The following NCOA1 variants were observed in gnomAD, a reference collection of about 807,000 sequenced individuals.
The protein encoded by NCOA1 is nuclear receptor coactivator 1.
NCOA1 carries 35 observed loss-of-function variants against 150.9 expected under a neutral mutation model. That is an observed-to-expected ratio of 0.23 (90% CI 0.18 to 0.31). NCOA1 has a LOEUF of 0.31. Among genes scored for constraint, NCOA1 ranks in the 10% least tolerant of loss-of-function variants. NCOA1 has a pLI of 1.00. For missense variants in NCOA1, 1,491 were observed against 1,749.3 expected (o/e 0.85, Z 2.63); for synonymous variants, 590 against 630.0 (o/e 0.94, Z 0.95).
At chr2:24,728,663 A>G (rs996666047) in intron 16 of NCOA1, among the ~76,000 whole-genome samples, 187 bp downstream of exon 16, 2 of 152,192 alleles carry the variant, frequency 1.3e-5, no homozygotes, top group Non-Finnish European at 2.9e-5. Context: ...AGAATTAGAA[A>G]TAAGTCTTAG....
intron 14 of NCOA1, among the ~76,000 whole-genome samples, chr2:24,723,469 C>A (rs553413530): frequency 6.6e-6 from 1 of 152,264 alleles, no homozygotes; most frequent in East Asian, 1.9e-4. Context: ...ATTGCTGGGT[C>A]AAAAGATAGA....
intron 10 of NCOA1, among the ~76,000 whole-genome samples, chr2:24,696,389 AT>A (rs1411263449): frequency 6.6e-6 from 1 of 152,212 alleles, no homozygotes; most frequent in Non-Finnish European, 1.5e-5. Context: ...AAGAGGAAAC[AT>A]TAGTGGTGAA....
rs1008267103 is a variant in NCOA1, at chr2:24,678,713, G to A, written c.355-4238G>A. Among the ~76,000 whole-genome samples, 10 of 152,124 alleles carry A rather than the reference G, an allele frequency of 6.6e-5. No homozygotes were observed. The East Asian group carries it at 1.7e-3, about 26-fold the overall frequency. ...TGAGAAGTGTCTGTTCATGCCATTT[G>A]CCTGCTTTTTAATGGGGTTGTTTGG... On this transcript the variant is annotated intron_variant, in intron 7 of 22. Coordinates refer to ENST00000348332, the MANE Select transcript of NCOA1 (RefSeq NM_003743.5).
At chr2:24,527,253 G>C (rs1397744782) in intron 1 of NCOA1, among the ~76,000 whole-genome samples, 1 of 152,048 alleles carries the variant, frequency 6.6e-6, no homozygotes, top group African/African-American at 2.4e-5. Flanking sequence ...TTGTACATTA[G>C]ATCTTTAGAC....
chr2:24,500,442 G>A (rs1231218122), intron 1 of NCOA1, among the ~76,000 whole-genome samples: 2 of 152,284 alleles, frequency 1.3e-5, no homozygotes, highest in Non-Finnish European at 2.9e-5. Flanking sequence ...CCGCAAAATG[G>A]AAGAAATACT....
intron 1 of NCOA1, among the ~76,000 whole-genome samples, chr2:24,558,109 T>C (rs538787124): frequency 4.5e-4 from 68 of 152,086 alleles, no homozygotes; most frequent in African/African-American, 1.6e-3. Context: ...CATTCTGATA[T>C]AATTCCACAG....
intron 14 of NCOA1, among the ~76,000 whole-genome samples, chr2:24,725,334 G>T (rs1674562279): frequency 6.6e-6 from 1 of 152,166 alleles, no homozygotes; most frequent in Admixed American, 6.5e-5. Flanking sequence ...AATTCTGGAA[G>T]CCTAAAGTAG....
At chr2:24,765,121 G>T (rs911509139) in intron 22 of NCOA1, among the ~76,000 whole-genome samples, 1 of 146,590 alleles carries the variant, frequency 6.8e-6, no homozygotes, top group Non-Finnish European at 1.5e-5. Context: ...AGGTTGCAGC[G>T]AGCCGAGATC....
chr2:24,625,352 G>A (rs1301402255), intron 3 of NCOA1, among the ~76,000 whole-genome samples: 13 of 124,466 alleles, frequency 1.0e-4, no homozygotes, highest in African/African-American at 3.8e-4. Context: ...GTGACACAGC[G>A]AGACTCTGCC....
intron 3 of NCOA1, among the ~76,000 whole-genome samples, chr2:24,587,143 C>G (rs1278574780): frequency 2.0e-5 from 3 of 151,822 alleles, no homozygotes; most frequent in Non-Finnish European, 4.4e-5. Flanking sequence ...TCGTACTGCT[C>G]CAAACCACAC....
Position 24,540,220 on chromosome 2 carries a change from A to G in NCOA1, c.-395-24075A>G, listed in dbSNP as rs899125016. ...AAGAATCAACAAAAAAGAACTTAGG[A>G]TCAAATAAAAAGTTACTAGAACAGA... On this transcript the variant is annotated intron_variant, in intron 1 of 22. Coordinates refer to ENST00000348332, the MANE Select transcript of NCOA1 (RefSeq NM_003743.5). Among the ~76,000 whole-genome samples, 10 of 152,336 alleles carry G rather than the reference A, an allele frequency of 6.6e-5. No homozygotes were observed. The South Asian group carries it at 8.3e-4, about 13-fold the overall frequency.
chr2:24,612,999 C>G (rs1019701280), intron 3 of NCOA1, among the ~76,000 whole-genome samples: 2 of 152,156 alleles, frequency 1.3e-5, no homozygotes, highest in Non-Finnish European at 2.9e-5. Flanking sequence ...TCCTTCTCAT[C>G]TGGAGACACT....
At chr2:24,666,518 T>A (rs965372783) in intron 6 of NCOA1, among the ~76,000 whole-genome samples, 1 of 152,174 alleles carries the variant, frequency 6.6e-6, no homozygotes, top group African/African-American at 2.4e-5. Context: ...ACACAAGTTG[T>A]GGAGTTGGAC....
Position 24,691,642 on chromosome 2 carries a change from A to T in NCOA1, c.694A>T (p.Ile232Phe), listed in dbSNP as rs767185890. 1.2e-6 allele frequency: 2 copies of T among 1,613,992 alleles called. No homozygotes were observed. Among genetic ancestry groups the T allele is most frequent in the African/African-American group, 1.3e-5 (1 of 75,050 alleles). Reference sequence around the variant, plus strand: ...TTTCACTGTGTCACAGCCAAAATCAATTCAAGAGGATGGAGAAGGTAAAGC... The same window carrying T: ...TTTCACTGTGTCACAGCCAAAATCATTTCAAGAGGATGGAGAAGGTAAAGC... ...QCFTVSQPKS[I>F]QEDGEDFQSC... Residue 232 changes from isoleucine (I) to phenylalanine (F), a missense_variant, in exon 9 of 23, where the codon ATT (isoleucine) becomes TTT (phenylalanine). Physicochemically the swap from Ile to Phe is conservative, Grantham distance 21. Coordinates refer to ENST00000348332, the MANE Select transcript of NCOA1 (RefSeq NM_003743.5).
intron 1 of NCOA1, among the ~76,000 whole-genome samples, chr2:24,499,818 A>G (rs1322237562): frequency 2.6e-5 from 4 of 152,212 alleles, no homozygotes; most frequent in Non-Finnish European, 4.4e-5. Flanking sequence ...CCTGTCTATT[A>G]TTTGACTGAT....
At chr2:24,765,896 C>CTTTTTTTTTTTTTTTTTTTTTTTT (rs773857143) in intron 22 of NCOA1, among the ~76,000 whole-genome samples, 1 of 128,036 alleles carries the variant, frequency 7.8e-6, no homozygotes, top group African/African-American at 2.9e-5. Flanking sequence ...CAATAATACA[C>CTTTTTTTTTTTTTTTTTTTTTTTT]TTTTTTTTTT....
At chr2:24,611,241 T>C (rs1471415569) in intron 3 of NCOA1, among the ~76,000 whole-genome samples, 1 of 152,188 alleles carries the variant, frequency 6.6e-6, no homozygotes, top group Non-Finnish European at 1.5e-5. Flanking sequence ...TTGCTTAGAA[T>C]AATGGCCTAC....
chr2:24,707,271 A>G lies in NCOA1; in HGVS notation c.1801A>G (p.Ser601Gly). 6.2e-7 allele frequency: 1 copy of G among 1,614,226 alleles called. No homozygotes were observed. The change falls in exon 13 of 23, where the codon AGC becomes GGC. Residue 601 changes from serine to glycine, a missense_variant. Coordinates refer to ENST00000348332, the MANE Select transcript of NCOA1 (RefSeq NM_003743.5). ...AAATGAAATGATTCAATCTGACAAC[A>G]GCTCTAGTGATGGCAAACCTCTGGA... Reference protein sequence around the residue: ...ILNEMIQSDNSSSDGKPLDSG... With the variant: ...ILNEMIQSDNGSSDGKPLDSG...
intron 1 of NCOA1, among the ~76,000 whole-genome samples, chr2:24,514,774 C>CA (rs560171272): frequency 1.4e-3 from 204 of 147,962 alleles, no homozygotes; most frequent in Non-Finnish European, 2.3e-3. Flanking sequence ...CAGAGTGTCT[C>CA]AAAAAAAACA....
Sources: allele counts gnomAD v4.1 joint callset (sites outside exome capture counted in the v4.1 genomes callset), GRCh38; gene constraint gnomAD v4.1.1; transcripts MANE v1.5; gene names NCBI Gene and HGNC (gene_info 2026-07-23, HGNC 2026-07-21).